The following ZNF385D variants were observed in gnomAD, a reference collection of about 807,000 sequenced individuals.
The protein encoded by ZNF385D is zinc finger protein 659.
In ZNF385D, 15 loss-of-function variants were observed where a neutral mutation model predicts 35.8. The observed-to-expected ratio is 0.42, with a 90% CI of 0.28 to 0.64. ZNF385D has a LOEUF of 0.64. ZNF385D is among the 30% of genes least tolerant of loss of function. ZNF385D has a pLI of 0.23. For synonymous variants in ZNF385D, 212 were observed against 186.8 expected (o/e 1.13, Z -1.10); for missense variants, 474 against 494.6 (o/e 0.96, Z 0.39).
At chr3:22,008,402 G>C (rs559166796) in intron 3 of ZNF385D, among the ~76,000 whole-genome samples, 107 of 134,368 alleles carry the variant, frequency 8.0e-4, no homozygotes, top group African/African-American at 3.0e-3. Context: ...GCCCAGGTTG[G>C]AGTGCAGTGG....
rs116536410 is a variant in ZNF385D, at chr3:21,671,891, G to T, written c.23-6863C>A. 6.0e-3 allele frequency among the ~76,000 whole-genome samples: 909 copies of T among 152,246 alleles called. 3 individuals carry two copies. The highest frequency in any genetic ancestry group is 0.02 in the African/African-American group (847 of 41,560). ...CTGGCACTGCCTTATATTTGAAGAA[G>T]AATCCAGAAAGATATGAGTATCATA... On this transcript the variant is annotated intron_variant, in intron 1 of 7. Transcript: ENST00000281523.
At chr3:22,170,969 G>C (rs66562666) in intron 2 of ZNF385D, among the ~76,000 whole-genome samples, 26,607 of 152,102 alleles carry the variant, frequency 0.17, 2,493 homozygotes, top group African/African-American at 0.2. Context: ...AATTTACGTA[G>C]AGTATATTTA....
At chr3:21,827,141 A>G (rs1295814629) in intron 3 of ZNF385D, among the ~76,000 whole-genome samples, 1 of 152,226 alleles carries the variant, frequency 6.6e-6, no homozygotes, top group Non-Finnish European at 1.5e-5. Flanking sequence ...TACTTTGAAC[A>G]TTAACTAACA....
At position 21,979,178 on chromosome 3, in the gene ZNF385D, A is replaced by G. The variant is rs558888256; in HGVS notation, c.325+189639T>C. Among the ~76,000 whole-genome samples the G allele has an allele frequency of 4.1e-4, 63 of 152,268 alleles. No homozygotes were observed. The South Asian group carries it at 7.9e-3, about 19-fold the overall frequency. ...TGTAGAATAGTCTGGGCTGGGTCCA[A>G]ACATTTGTAAAAAGGAGGATATGGG... On this transcript the variant is annotated intron_variant, in intron 3 of 5. Coordinates refer to the ZNF385D transcript ENST00000494108.
intron 3 of ZNF385D, among the ~76,000 whole-genome samples, chr3:21,761,571 G>A (rs1034151112): frequency 1.3e-5 from 2 of 152,126 alleles, no homozygotes; most frequent in Non-Finnish European, 2.9e-5. Flanking sequence ...ATCAATGCAA[G>A]AACCAACATA....
intron 3 of ZNF385D, among the ~76,000 whole-genome samples, chr3:21,976,145 C>A (rs959939361): frequency 6.6e-6 from 1 of 152,146 alleles, no homozygotes; most frequent in Non-Finnish European, 1.5e-5. Context: ...ATTTCAAGAT[C>A]TGATCAGATT....
chr3:21,927,696 T>C (rs1259580845), intron 3 of ZNF385D, among the ~76,000 whole-genome samples: 1 of 152,148 alleles, frequency 6.6e-6, no homozygotes, highest in East Asian at 1.9e-4. Flanking sequence ...TATTCTGATA[T>C]CAGACAAAAT....
upstream of ZNF385D, among the ~76,000 whole-genome samples, chr3:21,755,047 G>A (rs939061543): frequency 2.0e-5 from 3 of 152,172 alleles, no homozygotes; most frequent in Non-Finnish European, 4.4e-5. Flanking sequence ...ATGCCAGATG[G>A]TACTGCAGGC....
At chr3:22,259,556 C>A (rs990132642) in intron 2 of ZNF385D, among the ~76,000 whole-genome samples, 1 of 151,932 alleles carries the variant, frequency 6.6e-6, no homozygotes, top group Non-Finnish European at 1.5e-5. Flanking sequence ...CTGCATGTAA[C>A]AGAAGTGCTG....
intron 3 of ZNF385D, among the ~76,000 whole-genome samples, chr3:21,997,052 A>G (rs945622078): frequency 2.0e-5 from 3 of 152,298 alleles, no homozygotes; most frequent in African/African-American, 7.2e-5. Context: ...ACAGTTTTAA[A>G]AAAAAACTGT....
chr3:22,210,825 C>CA (rs11397627), intron 2 of ZNF385D, among the ~76,000 whole-genome samples: 26,388 of 151,690 alleles, frequency 0.17, 2,467 homozygotes, highest in African/African-American at 0.2. Flanking sequence ...GAAAGCAGGC[C>CA]AAAATATACT....
At chr3:22,057,121 T>A (rs1486349471) in intron 3 of ZNF385D, among the ~76,000 whole-genome samples, 1 of 152,248 alleles carries the variant, frequency 6.6e-6, no homozygotes, top group African/African-American at 2.4e-5. Context: ...CTGTGTAAGA[T>A]ATTTGTGTTT....
intron 2 of ZNF385D, among the ~76,000 whole-genome samples, chr3:22,204,120 TC>T (rs1696990900): frequency 6.6e-6 from 1 of 151,970 alleles, no homozygotes; most frequent in South Asian, 2.1e-4. Context: ...CTTCCCCAGC[TC>T]CAGACAGCTC....
intron 3 of ZNF385D, among the ~76,000 whole-genome samples, chr3:22,090,710 A>C (rs1701284444): frequency 6.6e-6 from 1 of 152,166 alleles, no homozygotes; most frequent in Non-Finnish European, 1.5e-5. Flanking sequence ...AAAAAGAATG[A>C]GATCTTGATA....
In ZNF385D at chr3:21,846,141, G is replaced by T. The variant is rs1339644072; in HGVS notation, c.326-181113C>A. On this transcript the variant is annotated intron_variant, in intron 3 of 5. Coordinates refer to the ZNF385D transcript ENST00000494108. Reference sequence around the variant, plus strand: ...CAATTACATATTAGTCTTTGCTGTGGAAAGATGTCTTAGATATAACTGTAC... The same window carrying T: ...CAATTACATATTAGTCTTTGCTGTGTAAAGATGTCTTAGATATAACTGTAC... Among the ~76,000 whole-genome samples, 3 of 152,030 alleles carry T rather than the reference G, an allele frequency of 2.0e-5. No homozygotes were observed. The East Asian group carries it at 5.8e-4, about 29-fold the overall frequency.
chr3:22,086,472 C>G (rs1189890649), intron 3 of ZNF385D, among the ~76,000 whole-genome samples: 1 of 152,080 alleles, frequency 6.6e-6, no homozygotes, highest in Admixed American at 6.5e-5. Flanking sequence ...GAATAAAATA[C>G]CTAGGAATCC....
At chr3:21,790,842 T>C (rs1455467211) in intron 3 of ZNF385D, among the ~76,000 whole-genome samples, 2 of 152,222 alleles carry the variant, frequency 1.3e-5, no homozygotes, top group Admixed American at 1.3e-4. Flanking sequence ...TTCGTAAAGA[T>C]TGTAAATTTA....
At chr3:21,485,001 C>T (rs1271551321) in intron 4 of ZNF385D, among the ~76,000 whole-genome samples, 2 of 152,124 alleles carry the variant, frequency 1.3e-5, no homozygotes, top group Non-Finnish European at 2.9e-5. Context: ...GCTAGACAGT[C>T]CTACCTCTCT....
intron 3 of ZNF385D, among the ~76,000 whole-genome samples, chr3:21,526,238 C>A (rs1312863137): frequency 6.6e-6 from 1 of 151,892 alleles, no homozygotes; most frequent in Non-Finnish European, 1.5e-5. Context: ...TTGTAGAGTG[C>A]CTGTTCCTTA....
Sources: allele counts gnomAD v4.1 joint callset (sites outside exome capture counted in the v4.1 genomes callset), GRCh38; gene constraint gnomAD v4.1.1; transcripts MANE v1.5; gene names NCBI Gene and HGNC (gene_info 2026-07-23, HGNC 2026-07-21).